The following SLC24A2 variants were observed in gnomAD, a reference collection of about 807,000 sequenced individuals.
SLC24A2 encodes solute carrier family 24 member 2, also known as sodium/potassium/calcium exchanger 2.
In SLC24A2, 36 loss-of-function variants were observed where a neutral mutation model predicts 62.0. The ratio of observed to expected loss-of-function variants is 0.58; its 90% CI spans 0.44 to 0.77. The LOEUF (loss-of-function observed/expected upper bound fraction) is 0.77, where lower values mean the gene tolerates loss of function less well. SLC24A2 is among the 30% of genes least tolerant of loss of function. SLC24A2 has a pLI of 0.00. For missense variants in SLC24A2, 846 were observed against 817.9 expected, an observed-to-expected ratio of 1.03 and a Z score of -0.42; for synonymous variants, 358 against 294.0, an observed-to-expected ratio of 1.22 and a Z score of -2.23.
At chr9:20,206,718 A>G in the SLC24A2 span, among the ~76,000 whole-genome samples, 3 of 152,030 alleles carry the variant, frequency 2.0e-5, no homozygotes, top group Non-Finnish European at 4.4e-5. Flanking sequence ...CTGCCTCATG[A>G]TCTGCTCGCC....
the SLC24A2 span, among the ~76,000 whole-genome samples, chr9:19,806,614 C>G: frequency 6.6e-6 from 1 of 152,090 alleles, no homozygotes; most frequent in East Asian, 1.9e-4. Context: ...GCTATCTGAT[C>G]TAAGTTAGAC....
At chr9:19,585,338 A>AT (rs1836342178) in intron 5 of SLC24A2, among the ~76,000 whole-genome samples, 1 of 152,036 alleles carries the variant, frequency 6.6e-6, no homozygotes, top group Non-Finnish European at 1.5e-5. Flanking sequence ...CCACTGGGAT[A>AT]TTTTTCAGAT....
chr9:20,157,096 G>GCA, the SLC24A2 span, among the ~76,000 whole-genome samples: 52 of 151,680 alleles, frequency 3.4e-4, 1 homozygote, highest in Non-Finnish European at 5.6e-4. Context: ...TTCATTTGTT[G>GCA]CACATCTAGT....
the SLC24A2 span, among the ~76,000 whole-genome samples, chr9:20,234,124 G>A: frequency 8.5e-5 from 13 of 152,248 alleles, no homozygotes; most frequent in Non-Finnish European, 1.3e-4. Context: ...TTCCCTTTGC[G>A]GGTAACCCGA....
intron 4 of SLC24A2, among the ~76,000 whole-genome samples, chr9:19,603,048 A>G (rs1007488565): frequency 1.3e-5 from 2 of 152,198 alleles, no homozygotes; most frequent in Non-Finnish European, 2.9e-5. Context: ...ATATGATTTG[A>G]ATAGCAAAGA....
chr9:20,096,104 C>T, the SLC24A2 span, among the ~76,000 whole-genome samples: 5 of 151,670 alleles, frequency 3.3e-5, no homozygotes, highest in African/African-American at 9.7e-5. Flanking sequence ...TCCGTCCGTC[C>T]GTCCGTCCGT....
chr9:20,165,062 C>T, the SLC24A2 span, among the ~76,000 whole-genome samples: 30,810 of 149,944 alleles, frequency 0.21, 4,763 homozygotes, highest in East Asian at 0.72. Flanking sequence ...TGCAGCACAC[C>T]AGCATGGCAC....
chr9:20,255,036 C>T, the SLC24A2 span, among the ~76,000 whole-genome samples: 2 of 152,186 alleles, frequency 1.3e-5, no homozygotes, highest in African/African-American at 4.8e-5. Flanking sequence ...CTTCCCATTA[C>T]ACATGGAGAT....
chr9:20,118,666 G>A, the SLC24A2 span, among the ~76,000 whole-genome samples: 1 of 151,908 alleles, frequency 6.6e-6, no homozygotes, highest in South Asian at 2.1e-4. Context: ...AGGAAAAGAA[G>A]CATATGAAAA....
At chr9:19,907,692 A>G in the SLC24A2 span, among the ~76,000 whole-genome samples, 2 of 152,218 alleles carry the variant, frequency 1.3e-5, no homozygotes, top group East Asian at 1.9e-4. Context: ...CACCAATAAC[A>G]GACAAACAGA....
At chr9:20,089,301 G>GGA in the SLC24A2 span, among the ~76,000 whole-genome samples, 2 of 152,068 alleles carry the variant, frequency 1.3e-5, no homozygotes, top group African/African-American at 2.4e-5. Flanking sequence ...TTCTCACTGG[G>GGA]GAGGGCTATC....
intron 2 of SLC24A2, among the ~76,000 whole-genome samples, chr9:19,684,663 G>A (rs550520074): frequency 6.6e-6 from 1 of 152,146 alleles, no homozygotes; most frequent in East Asian, 1.9e-4. Flanking sequence ...CATTACGAAA[G>A]ACAAATTGTG....
At chr9:19,865,688 C>T in the SLC24A2 span, among the ~76,000 whole-genome samples, 2 of 152,062 alleles carry the variant, frequency 1.3e-5, no homozygotes, top group South Asian at 4.2e-4. Flanking sequence ...TTGCCATATA[C>T]AAAAATCAAA....
the SLC24A2 span, among the ~76,000 whole-genome samples, chr9:20,284,157 C>T: frequency 3.3e-5 from 5 of 152,214 alleles, no homozygotes; most frequent in African/African-American, 1.2e-4. Context: ...CCCTCCTGCC[C>T]CACTCATGCC....
chr9:19,749,084 T>C (rs80098960), intron 2 of SLC24A2, among the ~76,000 whole-genome samples: 2,464 of 148,362 alleles, frequency 0.017, 81 homozygotes, highest in African/African-American at 0.057. Context: ...GCAAAATTGC[T>C]TTGGGCATTC....
chr9:20,208,773 C>A, the SLC24A2 span, among the ~76,000 whole-genome samples: 3 of 152,140 alleles, frequency 2.0e-5, no homozygotes, highest in Admixed American at 6.5e-5. Context: ...GAGTCATGAC[C>A]GTGTTACGGG....
chr9:20,030,359 G>T, the SLC24A2 span, among the ~76,000 whole-genome samples: 2 of 152,344 alleles, frequency 1.3e-5, no homozygotes, highest in Admixed American at 1.3e-4. Flanking sequence ...TACTGAAGGG[G>T]AAGTCATATC....
intron 10 of SLC24A2, among the ~76,000 whole-genome samples, chr9:19,517,584 C>G (rs1268946625): frequency 6.6e-6 from 1 of 152,090 alleles, no homozygotes; most frequent in African/African-American, 2.4e-5. Flanking sequence ...ATATGTTAAC[C>G]TGGGCCAAGC....
chr9:19,928,608 T>C, the SLC24A2 span: 1 of 152,190 alleles, frequency 6.6e-6, no homozygotes, highest in African/African-American at 2.4e-5. Context: ...AGAACTGGGA[T>C]TTATAATAAT....
Sources: gnomAD v4.1 joint callset for allele counts (sites outside exome capture counted in the v4.1 genomes callset) on GRCh38, gnomAD v4.1.1 for gene constraint, MANE v1.5 for transcripts, NCBI Gene and HGNC (gene_info 2026-07-23, HGNC 2026-07-21) for gene names.